Variants in ADGRG6 observed in about 807,000 individuals in gnomAD.
The protein encoded by ADGRG6 is adhesion G protein-coupled receptor G6.
A neutral mutation model predicts 142.4 loss-of-function variants in ADGRG6; 84 were observed. That is an observed-to-expected ratio of 0.59 (90% CI 0.49 to 0.71). The LOEUF (loss-of-function observed/expected upper bound fraction) is 0.71. ADGRG6 is among the 30% of genes least tolerant of loss of function. ADGRG6 has a pLI of 0.00. For missense variants in ADGRG6, 1,367 were observed against 1,466.6 expected (o/e 0.93, Z 1.11); for synonymous variants, 521 against 520.5 (o/e 1.00, Z -0.01).
At chr6:142,433,522 T>TG in intron 22 of ADGRG6, among the ~76,000 whole-genome samples, 1 of 152,140 alleles carries the variant, frequency 6.6e-6, no homozygotes, top group Admixed American at 6.6e-5. Context: ...ATCTATTCCG[T>TG]ACTTCCTGGG....
intron 4 of ADGRG6, among the ~76,000 whole-genome samples, chr6:142,381,559 C>T (rs534568638): frequency 2.0e-5 from 3 of 152,262 alleles, no homozygotes; most frequent in South Asian, 2.1e-4. Context: ...ACCAAAACTG[C>T]GTTTTATGGG....
At chr6:142,366,972 G>A (rs1780969590) in intron 2 of ADGRG6, among the ~76,000 whole-genome samples, 1 of 152,010 alleles carries the variant, frequency 6.6e-6, no homozygotes, top group Non-Finnish European at 1.5e-5. Context: ...AATAATCCAT[G>A]TTTGCAAGGT....
chr6:142,390,266 A>C lies in ADGRG6; in HGVS notation c.1231A>C (p.Ile411Leu). 6.4e-7 allele frequency: 1 copy of C among 1,566,076 alleles called. No homozygotes were observed. The change falls in exon 7 of 25, where the codon ATC (isoleucine) becomes CTC (leucine). Residue 411 changes from isoleucine to leucine, a missense_variant. Physicochemically the swap from Ile to Leu is conservative, Grantham distance 5. Coordinates refer to ENST00000367609, the MANE Select transcript of ADGRG6 (RefSeq NM_198569.3). ...RIDKQRNDGI[I>L]YRISVVIQNI... The stretch of plus-strand genomic sequence containing the variant: ...CTATTTCCAATGGGCAGATGGAATT[A>C]TCTATAGAATATCCGTAGTGATTCA...
rs1387566406 is a variant in ADGRG6 at position 142,438,377 on chromosome 6, A to AC, written c.3574+13_3574+14insC. 1 of 1,566,842 alleles carries AC rather than the reference A, an allele frequency of 6.4e-7. No homozygotes were observed. The highest frequency in any genetic ancestry group is 8.6e-7 in the Non-Finnish European group (1 of 1,157,962). On this transcript the variant is annotated intron_variant, in intron 24 of 24. Transcript: ENST00000367609. ...AATAGCCACACAGGTGAGTCTAAAG[A>AC]TGTCCTCAAGTTTAGTTCTCATCAC... is the stretch of plus-strand genomic sequence containing the variant.
At chr6:142,390,364 TC>T (rs1278924934) in intron 7 of ADGRG6, 21 bp downstream of exon 7, 2 of 1,445,874 alleles carry the variant, frequency 1.4e-6, no homozygotes, top group African/African-American at 2.8e-5. Flanking sequence ...TTGTAACTTT[TC>T]TTTTTTAAAA....
chr6:142,330,286 C>T (rs956278307), intron 2 of ADGRG6, among the ~76,000 whole-genome samples: 6 of 151,908 alleles, frequency 3.9e-5, no homozygotes, highest in South Asian at 2.1e-4. Context: ...AGCAAACCCC[C>T]GTGACCCAAA....
intron 22 of ADGRG6, among the ~76,000 whole-genome samples, chr6:142,425,804 G>A (rs190100157): frequency 6.6e-6 from 1 of 152,336 alleles, no homozygotes; most frequent in East Asian, 1.9e-4. Context: ...GACTGGGGAA[G>A]CCTCACAATC....
chr6:142,427,304 A>G (rs1370608866), intron 22 of ADGRG6, among the ~76,000 whole-genome samples: 1 of 152,036 alleles, frequency 6.6e-6, no homozygotes, highest in Non-Finnish European at 1.5e-5. Flanking sequence ...CATCCCTCTC[A>G]AGTTCAAAGT....
chr6:142,326,369 C>A (rs1452201450), intron 2 of ADGRG6, among the ~76,000 whole-genome samples: 1 of 151,500 alleles, frequency 6.6e-6, no homozygotes, highest in Non-Finnish European at 1.5e-5. Flanking sequence ...TTCCTTTCTG[C>A]AAAATTGTGA....
chr6:142,324,055 ACTT>A (rs1449427015), intron 2 of ADGRG6, among the ~76,000 whole-genome samples: 2 of 151,896 alleles, frequency 1.3e-5, no homozygotes, highest in African/African-American at 4.8e-5. Context: ...TTCCCTCCAG[ACTT>A]CTTTGAGATC....
chr6:142,398,192 C>G (rs1025302168), intron 10 of ADGRG6, among the ~76,000 whole-genome samples: 1 of 152,086 alleles, frequency 6.6e-6, no homozygotes, highest in Admixed American at 6.6e-5. Context: ...TTTGGGAGGC[C>G]AAGGTGGAGA....
chr6:142,316,836 A>G (rs1778100759), intron 2 of ADGRG6, among the ~76,000 whole-genome samples: 2 of 152,054 alleles, frequency 1.3e-5, no homozygotes. Context: ...AGCTCCAAGT[A>G]TACACTGAGG....
rs1034282823 is a variant in ADGRG6, at chr6:142,444,258, T to C, written c.*743T>C. On this transcript the variant is annotated 3_prime_UTR_variant, in exon 25 of 25. Coordinates refer to ENST00000367609, the MANE Select transcript of ADGRG6 (RefSeq NM_198569.3). ...ATTCGAGTTAAGTTTAGTGTTGATG[T>C]TCCATCATTCTGGACCTCCCAGGAG... 6.6e-6 allele frequency: 1 copy of C among 152,216 alleles called. No homozygotes were observed. The highest frequency in any genetic ancestry group is 2.4e-5 in the African/African-American group (1 of 41,462). The allele number at this position is 152,216 out of a possible 1,614,324, so 9.4% of individuals were successfully genotyped here.
In ADGRG6 at chr6:142,338,027, T is replaced by TTTTTTTTTTTTTTTTTTTTTTTTTTTTG. The variant is rs892007926; in HGVS notation, c.103+28394_103+28395insTTTTTTTTTTTTTTTTGTTTTTTTTTTT. 1.9e-3 allele frequency among the ~76,000 whole-genome samples: 109 copies of TTTTTTTTTTTTTTTTTTTTTTTTTTTTG among 58,014 alleles called. 3 individuals carry two copies. Among genetic ancestry groups the TTTTTTTTTTTTTTTTTTTTTTTTTTTTG allele is most frequent in the African/African-American group, 2.6e-3 (46 of 17,944 alleles). 38.1% of individuals were successfully genotyped at this position (58,014 alleles called of 152,430 possible). A position where few individuals can be genotyped will look rare whatever the true frequency, so the allele number is the denominator to read the frequency against. ...ATGCCTTGTATCTTTGTTTTTTTTTTTTTTTTTTTTTGAGACGGAGTCTCG... is the reference window on the plus strand; with the variant it reads ...ATGCCTTGTATCTTTGTTTTTTTTTTTTTTTTTTTTTTTTTTTTTTTTTTTTTGTTTTTTTTTTTGAGACGGAGTCTCG... On this transcript the variant is annotated intron_variant, in intron 2 of 24. Coordinates refer to ENST00000367609, the MANE Select transcript of ADGRG6 (RefSeq NM_198569.3).
chr6:142,431,488 A>C (rs1777206708), intron 22 of ADGRG6, among the ~76,000 whole-genome samples: 1 of 152,138 alleles, frequency 6.6e-6, no homozygotes, highest in Non-Finnish European at 1.5e-5. Flanking sequence ...TCTACCTTTT[A>C]TGGGCAATGT....
rs1159294371 is a variant in ADGRG6, at chr6:142,443,660, T to G, written c.*145T>G. The G allele has an allele frequency of 9.2e-6, 5 of 541,572 alleles. No homozygotes were observed. Among genetic ancestry groups the G allele is most frequent in the Non-Finnish European group, 1.6e-5 (5 of 314,876 alleles). The allele number at this position is 541,572 out of a possible 1,614,324, so 33.5% of individuals were successfully genotyped here. On this transcript the variant is annotated 3_prime_UTR_variant, in exon 25 of 25. Transcript: ENST00000367609. The stretch of plus-strand genomic sequence containing the variant: ...TTTGTTAAGAAGGCTTTTGTGAAAT[T>G]CAGAATTTTTCTTTTTAATATATTT...
intron 2 of ADGRG6, among the ~76,000 whole-genome samples, chr6:142,362,788 T>G (rs1220293880): frequency 1.3e-5 from 2 of 152,192 alleles, no homozygotes; most frequent in Non-Finnish European, 2.9e-5. Context: ...TACTTAGATC[T>G]GGAGAAATGG....
chr6:142,313,084 G>A (rs911040661), intron 2 of ADGRG6, among the ~76,000 whole-genome samples: 4 of 151,930 alleles, frequency 2.6e-5, no homozygotes, highest in South Asian at 2.1e-4. Flanking sequence ...GAGGGATGAC[G>A]ATGGAACTTC....
chr6:142,404,092 T>C, intron 14 of ADGRG6, 119 bp downstream of exon 14: 1 of 760,216 alleles, frequency 1.3e-6, no homozygotes, highest in Non-Finnish European at 2.3e-6. Flanking sequence ...AAGGTCTGAA[T>C]GTTGGCTAAG....
Sources: gnomAD v4.1 joint callset for allele counts (sites outside exome capture counted in the v4.1 genomes callset) on GRCh38, gnomAD v4.1.1 for gene constraint, MANE v1.5 for transcripts, NCBI Gene and HGNC (gene_info 2026-07-23, HGNC 2026-07-21) for gene names.